The following ADAM9 variants were observed in gnomAD, a reference collection of about 807,000 sequenced individuals.
ADAM9 encodes the protein disintegrin and metalloproteinase domain-containing protein 9.
In ADAM9, 54 loss-of-function variants were observed where a neutral mutation model predicts 108.1. That is an observed-to-expected ratio of 0.50 (90% CI 0.40 to 0.63). The LOEUF is 0.63. Ranked by LOEUF, ADAM9 falls within the 20% of genes least tolerant of loss-of-function variation. The pLI is 0.00. For synonymous variants in ADAM9, 316 were observed against 336.0 expected (o/e 0.94, Z 0.65); for missense variants, 830 against 997.7 (o/e 0.83, Z 2.26).
intron 20 of ADAM9, among the ~76,000 whole-genome samples, chr8:39,101,198 G>A (rs10101603): frequency 0.086 from 13,072 of 152,204 alleles, 883 homozygotes; most frequent in African/African-American, 0.19. Context: ...ACATTCAGTG[G>A]TAAAGATATG....
chr8:39,018,692 A>C (rs1282142806), intron 6 of ADAM9, 161 bp from the exon 7 acceptor site: 1 of 697,488 alleles, frequency 1.4e-6, no homozygotes, highest in African/African-American at 1.8e-5. Flanking sequence ...GAAGCAGATA[A>C]CACTTCAAAA....
At chr8:39,028,025 C>G (rs1836978522) in intron 11 of ADAM9, among the ~76,000 whole-genome samples, 1 of 152,112 alleles carries the variant, frequency 6.6e-6, no homozygotes, top group African/African-American at 2.4e-5. Flanking sequence ...GAGTTCAAGG[C>G]TGCAGTGAGC....
At chr8:39,012,993 G>A (rs1056839796) in intron 3 of ADAM9, among the ~76,000 whole-genome samples, 2 of 152,114 alleles carry the variant, frequency 1.3e-5, no homozygotes, top group Non-Finnish European at 2.9e-5. Flanking sequence ...GCCTCCAGGG[G>A]AGTTTTGAAC....
chr8:39,050,904 A>T (rs1837939769), intron 12 of ADAM9, among the ~76,000 whole-genome samples: 1 of 135,358 alleles, frequency 7.4e-6, no homozygotes, highest in Non-Finnish European at 1.5e-5. Flanking sequence ...TGTCTGAGTG[A>T]TAGTTTGAAC....
chr8:39,091,838 G>T (rs1356655762), intron 20 of ADAM9, among the ~76,000 whole-genome samples: 1 of 152,168 alleles, frequency 6.6e-6, no homozygotes. Flanking sequence ...AGAGGACACA[G>T]AAAAAGACAG....
chr8:39,076,915 A>G (rs578238725), intron 15 of ADAM9, among the ~76,000 whole-genome samples: 103 of 152,356 alleles, frequency 6.8e-4, no homozygotes, highest in African/African-American at 2.4e-3. Context: ...TTATAAAATT[A>G]TACTTAGAAA....
chr8:39,090,233 T>TA, intron 19 of ADAM9, 45 bp downstream of exon 19: 1 of 1,497,948 alleles, frequency 6.7e-7, no homozygotes, highest in Non-Finnish European at 9.1e-7. Context: ...AATATATACA[T>TA]ACATTTTCTG....
At chr8:39,013,835 A>C in intron 3 of ADAM9, 130 bp from the exon 4 acceptor site, 1 of 776,700 alleles carries the variant, frequency 1.3e-6, no homozygotes, top group Non-Finnish European at 2.2e-6. Flanking sequence ...TAGCACATTT[A>C]AAAATAATTT....
At chr8:39,046,459 C>T (rs1021087436) in intron 12 of ADAM9, among the ~76,000 whole-genome samples, 3 of 152,032 alleles carry the variant, frequency 2.0e-5, no homozygotes, top group Non-Finnish European at 4.4e-5. Flanking sequence ...TTTAGTTTTT[C>T]TTGCTAATTG....
intron 3 of ADAM9, among the ~76,000 whole-genome samples, chr8:39,012,685 C>T (rs1836393739): frequency 6.6e-6 from 1 of 151,892 alleles, no homozygotes; most frequent in Non-Finnish European, 1.5e-5. Flanking sequence ...TCTCAGCAAA[C>T]TATTGCAAGG....
intron 15 of ADAM9, among the ~76,000 whole-genome samples, chr8:39,072,577 T>G (rs1339124042): frequency 6.6e-6 from 1 of 152,244 alleles, no homozygotes; most frequent in East Asian, 1.9e-4. Context: ...ATTTGCCTCC[T>G]CTCTGAGAAG....
intron 4 of ADAM9, 137 bp downstream of exon 4, chr8:39,014,180 C>A: frequency 1.4e-6 from 1 of 740,256 alleles, no homozygotes; most frequent in South Asian, 1.6e-5. Context: ...TATGGGTTAT[C>A]TTGGGAAAAG....
chr8:39,044,448 G>T (rs981451313), intron 12 of ADAM9, among the ~76,000 whole-genome samples: 4 of 152,060 alleles, frequency 2.6e-5, no homozygotes, highest in African/African-American at 9.7e-5. Context: ...CTATATGTCT[G>T]AATTTTATTT....
At chr8:39,088,498 C>T (rs1052211232) in intron 18 of ADAM9, among the ~76,000 whole-genome samples, 1 of 152,000 alleles carries the variant, frequency 6.6e-6, no homozygotes, top group Non-Finnish European at 1.5e-5. Context: ...ACCTTGTGAT[C>T]CGCCTGCCTC....
chr8:39,101,817 T>A (rs751203522), intron 20 of ADAM9, 46 bp from the exon 21 acceptor site: 1 of 1,420,630 alleles, frequency 7.0e-7, no homozygotes. Context: ...GAAATCATAT[T>A]TATGAGCACA....
intron 12 of ADAM9, among the ~76,000 whole-genome samples, chr8:39,045,387 T>TGTGTGTACACACACCTTTATGTGCGC (rs1837698408): frequency 2.1e-5 from 1 of 46,680 alleles, no homozygotes; most frequent in African/African-American, 6.1e-5. Context: ...CACCTATAGG[T>TGTGTGTACACACACCTTTATGTGCGC]GTGTGTACAC....
chr8:39,014,480 G>A (rs895817240), intron 4 of ADAM9: 2 of 676,398 alleles, frequency 3.0e-6, no homozygotes, highest in Admixed American at 4.7e-5. Flanking sequence ...GAAAATAATT[G>A]TTTCCTAAAA....
At chr8:39,042,793 AAG>A in intron 12 of ADAM9, among the ~76,000 whole-genome samples, 1 of 152,290 alleles carries the variant, frequency 6.6e-6, no homozygotes, top group East Asian at 1.9e-4. Context: ...TGATCCTTCT[AAG>A]AGATTTTTAA....
chr8:39,059,328 C>T (rs1274430548), intron 14 of ADAM9, among the ~76,000 whole-genome samples: 2 of 152,212 alleles, frequency 1.3e-5, no homozygotes, highest in African/African-American at 4.8e-5. Context: ...ATCAACCTGC[C>T]ACCAGGCAGC....
Sources: gnomAD v4.1 joint callset for allele counts (sites outside exome capture counted in the v4.1 genomes callset) on GRCh38, gnomAD v4.1.1 for gene constraint, MANE v1.5 for transcripts, NCBI Gene and HGNC (gene_info 2026-07-23, HGNC 2026-07-21) for gene names.